The following ELOVL7 variants were observed in gnomAD, a reference collection of about 807,000 sequenced individuals.
ELOVL7 encodes very long chain fatty acid elongase 7.
In ELOVL7, 27 loss-of-function variants were observed where a neutral mutation model predicts 35.7. The observed-to-expected ratio is 0.76, with a 90% CI of 0.56 to 1.04. ELOVL7 has a LOEUF of 1.04. Among genes scored for constraint, ELOVL7 ranks in the 50% least tolerant of loss-of-function variants. The pLI, the probability that ELOVL7 is intolerant of heterozygous loss-of-function variation, is 0.00. For synonymous variants in ELOVL7, 113 were observed against 114.6 expected, an observed-to-expected ratio of 0.99 and a Z score of 0.09; for missense variants, 327 against 340.8, an observed-to-expected ratio of 0.96 and a Z score of 0.32.
At chr5:60,800,425 T>C (rs1171855379) in intron 1 of ELOVL7, among the ~76,000 whole-genome samples, 1 of 152,120 alleles carries the variant, frequency 6.6e-6, no homozygotes. Flanking sequence ...TTTGACAAAA[T>C]TCAGCATCCT....
In ELOVL7 at chr5:60,815,612, G is replaced by A. The variant is rs1307610643; in HGVS notation, c.-85-16382C>T. ...AGACAGAGTCTCGTTCTGTTACCCA[G>A]GCTGGAATGCAATGGCACGATCTCA... On this transcript the variant is annotated intron_variant, in intron 1 of 8. Transcript: ENST00000508821. Among the ~76,000 whole-genome samples, 5 of 151,820 alleles carry A rather than the reference G, an allele frequency of 3.3e-5. No individual in the cohort carries two copies. The South Asian group carries it at 6.2e-4, about 19-fold the overall frequency.
rs1691100366 is a variant in ELOVL7, at chr5:60,753,192, A to AGTAT, written c.*1431_*1432insATAC. On this transcript the variant is annotated 3_prime_UTR_variant, in exon 9 of 9. Coordinates refer to ENST00000508821, the MANE Select transcript of ELOVL7 (RefSeq NM_024930.3). The stretch of plus-strand genomic sequence containing the variant: ...GTCCTACAAACATAAACAGTGCTTC[A>AGTAT]AAATTGAGTATAAATAAAAGAAGAA... 6.6e-6 allele frequency: 1 copy of AGTAT among 152,034 alleles called. No homozygotes were observed. The highest frequency in any genetic ancestry group is 1.5e-5 in the Non-Finnish European group (1 of 67,996). The allele number at this position is 152,034 out of a possible 1,614,324, so 9.4% of individuals were successfully genotyped here. A position where few individuals can be genotyped will look rare whatever the true frequency, so the allele number is the denominator to read the frequency against.
intron 3 of ELOVL7, among the ~76,000 whole-genome samples, chr5:60,778,461 A>G (rs1239889484): frequency 6.6e-6 from 1 of 152,214 alleles, no homozygotes; most frequent in Non-Finnish European, 1.5e-5. Context: ...GGGAGACGTC[A>G]GGAAACTTAC....
chr5:60,774,761 T>C (rs1435821662), intron 3 of ELOVL7, among the ~76,000 whole-genome samples: 7 of 146,824 alleles, frequency 4.8e-5, no homozygotes, highest in Admixed American at 1.4e-4. Flanking sequence ...ACCATAAAAC[T>C]CTCTTTTTTT....
At chr5:60,783,292 TTCTTCCTCTGATAAAATTAGC>T (rs1743372008) in intron 3 of ELOVL7, among the ~76,000 whole-genome samples, 1 of 152,202 alleles carries the variant, frequency 6.6e-6, no homozygotes, top group African/African-American at 2.4e-5. Flanking sequence ...AGTCCTAAAA[TTCTTCCTCTGATAAAATTAGC>T]TCTCCCTTAC....
chr5:60,843,718 C>T (rs896297302), intron 1 of ELOVL7, among the ~76,000 whole-genome samples: 10 of 152,350 alleles, frequency 6.6e-5, no homozygotes, highest in Non-Finnish European at 1.2e-4. Context: ...GTCCTTCTCC[C>T]TCCCAGTCCC....
chr5:60,840,176 A>G (rs1431393822), intron 1 of ELOVL7, among the ~76,000 whole-genome samples: 3 of 152,186 alleles, frequency 2.0e-5, no homozygotes, highest in Admixed American at 2.0e-4. Context: ...GGCAGGTTGA[A>G]TTGTGTGCCC....
chr5:60,838,725 G>A (rs1746977417), intron 1 of ELOVL7, among the ~76,000 whole-genome samples: 1 of 152,108 alleles, frequency 6.6e-6, no homozygotes, highest in African/African-American at 2.4e-5. Context: ...ATAATAGTCT[G>A]TTTAAAAATA....
intron 1 of ELOVL7, among the ~76,000 whole-genome samples, chr5:60,805,266 G>A (rs1744857741): frequency 6.6e-6 from 1 of 152,170 alleles, no homozygotes; most frequent in African/African-American, 2.4e-5. Flanking sequence ...GATACAGTAG[G>A]AAACAAAACA....
At chr5:60,815,314 A>G (rs931516708) in intron 1 of ELOVL7, among the ~76,000 whole-genome samples, 5 of 152,230 alleles carry the variant, frequency 3.3e-5, no homozygotes, top group African/African-American at 1.2e-4. Context: ...CACAGCTTGG[A>G]AAGAATTTTA....
chr5:60,759,788 G>A (rs904930639), intron 7 of ELOVL7, among the ~76,000 whole-genome samples: 7 of 149,736 alleles, frequency 4.7e-5, no homozygotes, highest in South Asian at 2.1e-4. Flanking sequence ...TCCCTCTCCC[G>A]TCCCCCAACC....
intron 2 of ELOVL7, among the ~76,000 whole-genome samples, chr5:60,798,432 T>C (rs1277076255): frequency 6.6e-6 from 1 of 152,192 alleles, no homozygotes; most frequent in Admixed American, 6.5e-5. Context: ...ATTACCTTGA[T>C]ACTACAGAAG....
intron 1 of ELOVL7, among the ~76,000 whole-genome samples, chr5:60,839,021 CAAA>C (rs34113793): frequency 6.8e-6 from 1 of 146,230 alleles, no homozygotes; most frequent in African/African-American, 2.6e-5. Flanking sequence ...AAAACAGTGT[CAAA>C]AAAAAATATA....
In ELOVL7 at chr5:60,772,597, A is replaced by G. The variant is rs1286035187; in HGVS notation, c.65-504T>C. On this transcript the variant is annotated intron_variant, in intron 3 of 8. Transcript: ENST00000508821. ...TCAGTTGAGGGATTCAGCCAGCCCAAGACAATTCTGTAAGTATGGCGCCAG... is the reference window on the plus strand; with the variant it reads ...TCAGTTGAGGGATTCAGCCAGCCCAGGACAATTCTGTAAGTATGGCGCCAG... Among the ~76,000 whole-genome samples, 4 of 152,202 alleles carry G rather than the reference A, an allele frequency of 2.6e-5. No homozygotes were observed. The East Asian group carries it at 7.7e-4, about 29-fold the overall frequency.
intron 3 of ELOVL7, among the ~76,000 whole-genome samples, 180 bp downstream of exon 3, chr5:60,787,154 G>A (rs1273885066): frequency 6.6e-6 from 1 of 152,074 alleles, no homozygotes; most frequent in African/African-American, 2.4e-5. Context: ...ATGAACATCT[G>A]TGTAGCTCCA....
intron 1 of ELOVL7, among the ~76,000 whole-genome samples, chr5:60,816,954 T>C (rs1310776686): frequency 6.6e-6 from 1 of 152,208 alleles, no homozygotes; most frequent in Non-Finnish European, 1.5e-5. Flanking sequence ...TGTAGTAATG[T>C]TGCAACTTTT....
chr5:60,772,867 TG>T (rs1280125893), intron 3 of ELOVL7, among the ~76,000 whole-genome samples: 1 of 152,220 alleles, frequency 6.6e-6, no homozygotes, highest in Non-Finnish European at 1.5e-5. Context: ...AAAAAAAGTT[TG>T]TGTTTGCTGC....
chr5:60,794,099 T>C (rs1744102019), intron 2 of ELOVL7, among the ~76,000 whole-genome samples: 1 of 152,202 alleles, frequency 6.6e-6, no homozygotes, highest in Non-Finnish European at 1.5e-5. Context: ...AGGAGCTCAC[T>C]CATGAGTACT....
At chr5:60,781,480 T>C (rs1230719432) in intron 3 of ELOVL7, among the ~76,000 whole-genome samples, 1 of 152,198 alleles carries the variant, frequency 6.6e-6, no homozygotes, top group Admixed American at 6.5e-5. Flanking sequence ...ATGACATCAT[T>C]TCTCTGTTCT....
Sources: gnomAD v4.1 joint callset for allele counts (sites outside exome capture counted in the v4.1 genomes callset) on GRCh38, gnomAD v4.1.1 for gene constraint, MANE v1.5 for transcripts, NCBI Gene and HGNC (gene_info 2026-07-23, HGNC 2026-07-21) for gene names.